Variants in ZFAT observed in about 807,000 individuals in gnomAD.
ZFAT encodes the protein zinc finger and AT-hook domain containing.
Under a neutral mutation model 117.7 loss-of-function variants are expected in ZFAT, and 64 were observed. The observed-to-expected ratio is 0.54, with a 90% CI of 0.44 to 0.67. The LOEUF (loss-of-function observed/expected upper bound fraction) is 0.67. Among genes scored for constraint, ZFAT ranks in the 30% least tolerant of loss-of-function variants. The probability of loss-of-function intolerance (pLI) is 0.00; values close to 1 mark genes in which losing one functional copy is unlikely to be tolerated. For missense variants in ZFAT, 1,433 were observed against 1,584.5 expected, an observed-to-expected ratio of 0.90 and a Z score of 1.62; for synonymous variants, 679 against 615.0, an observed-to-expected ratio of 1.10 and a Z score of -1.54.
the ZFAT span, among the ~76,000 whole-genome samples, chr8:134,719,639 C>T: frequency 6.6e-6 from 1 of 152,222 alleles, no homozygotes; most frequent in East Asian, 1.9e-4. Context: ...AGACATAAAA[C>T]ATGATTTTAA....
intron 11 of ZFAT, among the ~76,000 whole-genome samples, chr8:134,540,076 C>A (rs2130621779): frequency 6.6e-6 from 1 of 152,322 alleles, no homozygotes; most frequent in South Asian, 2.1e-4. Flanking sequence ...GGTCTTTAAT[C>A]AGTTCATTAG....
chr8:134,731,783 CAGTT>C, the ZFAT span, among the ~76,000 whole-genome samples: 3,513 of 152,266 alleles, frequency 0.023, 138 homozygotes, highest in African/African-American at 0.08. Context: ...CCAGATAAAA[CAGTT>C]AGATAATAGC....
Position 134,478,583 on chromosome 8 carries a change from A to G in ZFAT, c.3631T>C (p.Tyr1211His). The change falls in exon 16 of 16, where the codon TAC (tyrosine) becomes CAC (histidine). Residue 1211 changes from tyrosine to histidine, a missense_variant. This residue lies in a region of ZFAT where 503 missense variants were observed against 543.4 expected (regional missense o/e 0.93). Transcript: ENST00000377838. This position sits in a 1 kb window ranked among gnomAD's most constrained non-coding sequence, Gnocchi z 5.2. Reference protein sequence around the residue: ...DVEGIETVTVYTQGGEASEFI... With the variant: ...DVEGIETVTVHTQGGEASEFI... ...TCCGAGGCCTCCCCGCCCTGCGTGT[A>G]GACAGTCACCGTCTCAATGCCCTCC... The G allele has an allele frequency of 6.3e-7, 1 of 1,594,296 alleles. No homozygotes were observed. Among genetic ancestry groups the G allele is most frequent in the Non-Finnish European group, 8.5e-7 (1 of 1,170,794 alleles).
At chr8:134,528,891 G>A (rs1486545008) in intron 12 of ZFAT, among the ~76,000 whole-genome samples, 2 of 152,236 alleles carry the variant, frequency 1.3e-5, no homozygotes, top group Non-Finnish European at 2.9e-5. Context: ...GCCTAGCATG[G>A]TTCCAGGCAC....
chr8:134,762,092 T>C, the ZFAT span, among the ~76,000 whole-genome samples: 2 of 151,998 alleles, frequency 1.3e-5, no homozygotes. Context: ...TTGTGGCCCA[T>C]CTTACAACAC....
At chr8:134,719,655 G>C in the ZFAT span, among the ~76,000 whole-genome samples, 1 of 152,132 alleles carries the variant, frequency 6.6e-6, no homozygotes, top group African/African-American at 2.4e-5. Flanking sequence ...TTTAATATTG[G>C]TTGGAAATGA....
chr8:134,697,866 C>T (rs142448200), intron 1 of ZFAT, among the ~76,000 whole-genome samples: 4,443 of 147,010 alleles, frequency 0.03, 224 homozygotes, highest in African/African-American at 0.1. Flanking sequence ...CAGGCGTGAG[C>T]CACCGCACCC....
chr8:134,822,414 A>G, the ZFAT span, among the ~76,000 whole-genome samples: 1 of 152,160 alleles, frequency 6.6e-6, no homozygotes, highest in Admixed American at 6.5e-5. Context: ...CTAGTAGGTC[A>G]TAAGTAATAA....
chr8:134,559,346 C>G (rs1823889345), intron 11 of ZFAT, among the ~76,000 whole-genome samples: 1 of 152,082 alleles, frequency 6.6e-6, no homozygotes, highest in Non-Finnish European at 1.5e-5. Flanking sequence ...TTTGCCCTTC[C>G]TCATATATCT....
chr8:134,780,479 ATTCT>A, the ZFAT span, among the ~76,000 whole-genome samples: 1 of 152,236 alleles, frequency 6.6e-6, no homozygotes, highest in Non-Finnish European at 1.5e-5. Context: ...ACATGAATGT[ATTCT>A]TTCCTTGTCT....
At chr8:134,709,052 C>T (rs1813891471) in intron 1 of ZFAT, among the ~76,000 whole-genome samples, 1 of 152,094 alleles carries the variant, frequency 6.6e-6, no homozygotes, top group Admixed American at 6.5e-5. Flanking sequence ...TTCAGGAGGC[C>T]GAGGCCAGTG....
chr8:134,587,523 T>C (rs940260112), intron 9 of ZFAT, among the ~76,000 whole-genome samples: 3 of 149,606 alleles, frequency 2.0e-5, no homozygotes, highest in African/African-American at 7.7e-5. Flanking sequence ...TCCAGGTTCC[T>C]AACTAACAGG....
chr8:134,577,302 C>A lies in ZFAT; in HGVS notation c.2887+6530G>T, dbSNP rs578062133. ...TACAGTAATGAGTTCCTTTGGGAAACAGGAATGCCACAGATAGGGATCTAT... is the reference window on the plus strand; with the variant it reads ...TACAGTAATGAGTTCCTTTGGGAAAAAGGAATGCCACAGATAGGGATCTAT... On this transcript the variant is annotated intron_variant, in intron 10 of 15. Coordinates refer to ENST00000377838, the MANE Select transcript of ZFAT (RefSeq NM_020863.4). 4.1e-4 allele frequency among the ~76,000 whole-genome samples: 62 copies of A among 152,260 alleles called. 2 individuals are homozygous for A. The South Asian group carries it at 0.012, about 31-fold the overall frequency.
intron 1 of ZFAT, among the ~76,000 whole-genome samples, chr8:134,691,351 T>TG (rs11403515): frequency 0.9 from 136,666 of 152,148 alleles, 61,609 homozygotes; most frequent in African/African-American, 0.94. Context: ...CAGGCGGGGC[T>TG]CAGGTGGTGG....
At chr8:134,712,333 T>C (rs1299660286) in intron 1 of ZFAT, among the ~76,000 whole-genome samples, 2 of 152,116 alleles carry the variant, frequency 1.3e-5, no homozygotes, top group Non-Finnish European at 2.9e-5. Context: ...TAATTACAGG[T>C]GAAGGACCCC....
intron 3 of ZFAT, among the ~76,000 whole-genome samples, chr8:134,623,770 CT>C (rs1404251917): frequency 6.6e-6 from 1 of 152,074 alleles, no homozygotes; most frequent in Admixed American, 6.5e-5. Context: ...CTCTCCTCCC[CT>C]CTTCTCCCTG....
the ZFAT span, among the ~76,000 whole-genome samples, chr8:134,754,561 T>C: frequency 6.6e-6 from 1 of 152,216 alleles, no homozygotes; most frequent in Non-Finnish European, 1.5e-5. Flanking sequence ...CTCAAACAGA[T>C]ATTAAGACAA....
At chr8:134,723,693 G>A in the ZFAT span, 1 of 152,198 alleles carries the variant, frequency 6.6e-6, no homozygotes, top group Admixed American at 6.5e-5. Context: ...TGGGACCATG[G>A]GGGGCTGAGC....
At chr8:134,503,496 T>C (rs1049357401) in intron 15 of ZFAT, among the ~76,000 whole-genome samples, 1 of 152,196 alleles carries the variant, frequency 6.6e-6, no homozygotes, top group African/African-American at 2.4e-5. Flanking sequence ...ATTTTATATG[T>C]CAACTTGACT....
Sources: gnomAD v4.1 joint callset for allele counts (sites outside exome capture counted in the v4.1 genomes callset) on GRCh38, gnomAD v4.1.1 for gene constraint, gnomAD v4.1.1 regional missense constraint, Gnocchi (gnomAD v3.1) non-coding constraint, MANE v1.5 for transcripts, NCBI Gene and HGNC (gene_info 2026-07-23, HGNC 2026-07-21) for gene names.